MAGEB10: variants seen among roughly 807,000 people sequenced by gnomAD.
The protein encoded by MAGEB10 is MAGE family member B10, also known as melanoma-associated antigen B10.
For synonymous variants in MAGEB10, 99 were observed against 101.0 expected, an observed-to-expected ratio of 0.98 and a Z score of 0.12; for missense variants, 190 against 261.9, an observed-to-expected ratio of 0.73 and a Z score of 1.89.
chrX:27,810,567 C>G (rs1923659455), intron 1 of MAGEB10, among the ~76,000 whole-genome samples: 1 of 111,260 alleles, frequency 9.0e-6, no homozygotes, highest in African/African-American at 3.3e-5. Context: ...GCTGTAAGGC[C>G]CAGGTGACCC....
In MAGEB10 at chrX:27,821,734, A is replaced by C. The variant is rs757118570; in HGVS notation, c.428A>C (p.Gln143Pro). The C allele has an allele frequency of 8.3e-6, 10 of 1,210,216 alleles. No individual in the cohort carries two copies. In the South Asian group the frequency reaches 1.6e-4, roughly 19 times the overall value. Reference protein sequence around the residue: ...TKADMLRNVTQMSKSQFPVIL... With the variant: ...TKADMLRNVTPMSKSQFPVIL... ...GCAGATATGCTGAGAAATGTAACCC[A>C]AATGTCCAAGAGCCAGTTCCCTGTA... Residue 143 changes from glutamine (Q) to proline (P), a missense_variant, in exon 3 of 3, where the codon CAA becomes CCA. Physicochemically the swap from Gln to Pro is moderately conservative, Grantham distance 76. Coordinates refer to ENST00000356790, the MANE Select transcript of MAGEB10 (RefSeq NM_182506.3).
chrX:27,812,995 T>G (rs1357801819), intron 1 of MAGEB10: 4 of 151,831 alleles, frequency 2.6e-5, no homozygotes, highest in African/African-American at 1.2e-4. Flanking sequence ...GGGTTGGCTG[T>G]GTCTCGTTAT....
chrX:27,809,372 T>G, intron 1 of MAGEB10, among the ~76,000 whole-genome samples: 1 of 65,237 alleles, frequency 1.5e-5, no homozygotes, highest in South Asian at 9.9e-4. Context: ...TTCCTGAGCC[T>G]CTCCCACCCC....
intron 2 of MAGEB10, among the ~76,000 whole-genome samples, chrX:27,820,547 C>A (rs1263058423): frequency 1.8e-5 from 2 of 110,803 alleles, no homozygotes; most frequent in Non-Finnish European, 3.8e-5. Flanking sequence ...AGCCATCCAC[C>A]CCAGATCAAA....
At chrX:27,808,366 C>T (rs930099423) in intron 1 of MAGEB10, among the ~76,000 whole-genome samples, 3 of 112,204 alleles carry the variant, frequency 2.7e-5, no homozygotes, top group African/African-American at 9.7e-5. Flanking sequence ...TACTCCATAA[C>T]AAAGGGGGCG....
At chrX:27,808,497 C>T (rs1053845158) in intron 1 of MAGEB10, among the ~76,000 whole-genome samples, 1 of 111,477 alleles carries the variant, frequency 9.0e-6, no homozygotes, top group African/African-American at 3.3e-5. Flanking sequence ...TGCAGTGAGG[C>T]GGTTGGTATC....
chrX:27,816,601 G>C (rs924126377), intron 1 of MAGEB10, among the ~76,000 whole-genome samples: 9 of 111,878 alleles, frequency 8.0e-5, no homozygotes, highest in African/African-American at 2.6e-4. Flanking sequence ...TGAGATTATA[G>C]AGGTCATTGA....
chrX:27,813,068 G>A (rs1419744555), intron 1 of MAGEB10, among the ~76,000 whole-genome samples: 2 of 112,163 alleles, frequency 1.8e-5, no homozygotes, highest in African/African-American at 6.5e-5. Context: ...TTTAATAGAA[G>A]GTTAAAGTAG....
intron 1 of MAGEB10, among the ~76,000 whole-genome samples, chrX:27,810,631 G>A (rs1395058465): frequency 6.3e-5 from 7 of 111,201 alleles, no homozygotes; most frequent in Admixed American, 5.7e-4. Flanking sequence ...TAAGGCTAGC[G>A]CATTGAGGTC....
At chrX:27,809,245 C>T (rs989780121) in intron 1 of MAGEB10, among the ~76,000 whole-genome samples, 1 of 109,948 alleles carries the variant, frequency 9.1e-6, no homozygotes, top group Non-Finnish European at 1.9e-5. Flanking sequence ...AGCTGGCAGG[C>T]CCCCCGGCCC....
chrX:27,817,985 T>A (rs1414230050), intron 2 of MAGEB10, among the ~76,000 whole-genome samples: 1 of 110,218 alleles, frequency 9.1e-6, no homozygotes, highest in East Asian at 2.9e-4. Flanking sequence ...GTATCCAGAG[T>A]TCAGCGTGGG....
intron 2 of MAGEB10, among the ~76,000 whole-genome samples, chrX:27,819,797 G>A (rs887850433): frequency 2.7e-5 from 3 of 111,682 alleles, no homozygotes; most frequent in Non-Finnish European, 5.6e-5. Flanking sequence ...CATGAATGGA[G>A]TGGCCAGATA....
intron 1 of MAGEB10, among the ~76,000 whole-genome samples, chrX:27,814,187 T>G (rs1469500349): frequency 9.0e-6 from 1 of 111,727 alleles, no homozygotes; most frequent in Non-Finnish European, 1.9e-5. Context: ...ACCCATCATC[T>G]AGGCTCCCTC....
In MAGEB10 at chrX:27,821,592, T is replaced by C. The variant is rs1262761186; in HGVS notation, c.286T>C (p.Cys96Arg). ...VNDQMEERPI[C>R]TQDLEATDSF... ...CGACCAAATGGAAGAAAGGCCAATA[T>C]GCACACAAGATCTAGAAGCCACTGA... The change falls in exon 3 of 3, where the codon TGC (cysteine) becomes CGC (arginine). Residue 96 changes from cysteine (C) to arginine (R), a missense_variant. By Grantham distance (180) the Cys-to-Arg change is radical. Transcript: ENST00000356790. The C allele has an allele frequency of 8.3e-7, 1 of 1,208,535 alleles. No individual in the cohort carries two copies. The highest frequency in any genetic ancestry group is 1.8e-5 in the South Asian group (1 of 56,590).
Position 27,821,275 on chromosome X carries a change from C to T in MAGEB10, c.-32C>T, listed in dbSNP as rs190282204. On this transcript the variant is annotated 5_prime_UTR_variant, in exon 3 of 3. Transcript: ENST00000356790. The stretch of plus-strand genomic sequence containing the variant: ...TTCTCCAGGTCACGGGATCACCTGC[C>T]TTTTTGGCTGCTGCACCTGAACAGA... 13 of 1,167,898 alleles carry T rather than the reference C, an allele frequency of 1.1e-5. No homozygotes were observed. The highest frequency in any genetic ancestry group is 1.5e-5 in the Non-Finnish European group (13 of 863,674).
chrX:27,811,049 A>G (rs139850771), intron 1 of MAGEB10, among the ~76,000 whole-genome samples: 3,180 of 99,818 alleles, frequency 0.032, 151 homozygotes, highest in African/African-American at 0.11. Context: ...TCTGATTGGT[A>G]TAGGCCTCAA....
At chrX:27,813,798 G>A (rs1319168781) in intron 1 of MAGEB10, among the ~76,000 whole-genome samples, 1 of 111,922 alleles carries the variant, frequency 8.9e-6, no homozygotes, top group African/African-American at 3.3e-5. Flanking sequence ...CTAATGCCTA[G>A]AATGAAGAAG....
intron 1 of MAGEB10, chrX:27,812,907 C>T: frequency 9.8e-6 from 2 of 204,580 alleles, no homozygotes; most frequent in South Asian, 7.7e-5. Flanking sequence ...GTCCAGCAGC[C>T]TTGCCTGCTC....
chrX:27,808,992 C>T (rs2147388024), intron 1 of MAGEB10, among the ~76,000 whole-genome samples: 1 of 112,845 alleles, frequency 8.9e-6, no homozygotes, highest in Non-Finnish European at 1.9e-5. Flanking sequence ...CCTCACAGCC[C>T]TCGCTGGCTC....
Sources: allele counts gnomAD v4.1 joint callset (sites outside exome capture counted in the v4.1 genomes callset), GRCh38; gene constraint gnomAD v4.1.1; transcripts MANE v1.5; gene names NCBI Gene and HGNC (gene_info 2026-07-23, HGNC 2026-07-21).